Variants in SPRR1A observed in about 807,000 individuals in gnomAD.
SPRR1A encodes small proline rich protein 1A.
For synonymous variants in SPRR1A, 40 were observed against 39.2 expected (o/e 1.02, Z -0.07); for missense variants, 123 against 105.4 (o/e 1.17, Z -0.73).
chr1:152,984,341 G>A (rs1611757), upstream of SPRR1A, among the ~76,000 whole-genome samples: 673 of 152,208 alleles, frequency 4.4e-3, 18 homozygotes, highest in Admixed American at 0.041. Context: ...CATTGAACTG[G>A]GAGTCCTGGA....
upstream of SPRR1A, among the ~76,000 whole-genome samples, chr1:152,984,827 C>A (rs180821835): frequency 1.3e-5 from 2 of 152,086 alleles, no homozygotes; most frequent in Non-Finnish European, 2.9e-5. Context: ...TAAAGCCATC[C>A]TATAAGTCAC....
exon 1 of SPRR1A, chr1:152,985,265 C>T: frequency 6.2e-7 from 1 of 1,613,494 alleles, no homozygotes; most frequent in Non-Finnish European, 8.5e-7. Context: ...CCTTGCACCC[C>T]ACCCCCTCAG....
rs145057926 is a variant in SPRR1A, at chr1:152,985,300, C to A, written c.70C>A (p.Pro24Thr). 322 of 1,613,888 alleles carry A rather than the reference C, an allele frequency of 2.0e-4. No individual in the cohort carries two copies. The highest frequency in any genetic ancestry group is 2.5e-4 in the Non-Finnish European group (297 of 1,179,984). ...GCCTCAGCAGCAGCAGGTGAAACAA[C>A]CTTGCCAGCCTCCACCCCAGGAACC... The change falls in exon 1 of 1, where the codon CCT becomes ACT. Residue 24 changes from proline to threonine, a missense_variant. Pro to Thr is a conservative substitution (Grantham distance 38). Coordinates refer to ENST00000368762, the Ensembl canonical transcript of SPRR1A.
At chr1:152,984,703 T>G (rs1652253900), upstream of SPRR1A, among the ~76,000 whole-genome samples, 1 of 151,812 alleles carries the variant, frequency 6.6e-6, no homozygotes, top group South Asian at 2.1e-4. Flanking sequence ...GGGTGTCAAG[T>G]GATGTGAGCT....
upstream of SPRR1A, among the ~76,000 whole-genome samples, chr1:152,985,002 T>A (rs1433616704): frequency 6.6e-6 from 1 of 152,020 alleles, no homozygotes; most frequent in Admixed American, 6.6e-5. Flanking sequence ...AGAACTCCAA[T>A]AAAATGGAGC....
exon 1 of SPRR1A, chr1:152,985,324 C>A (rs756645081): frequency 2.5e-6 from 4 of 1,613,882 alleles, no homozygotes; most frequent in South Asian, 2.2e-5. Context: ...ACCCCAGGAA[C>A]CATGCATCCC....
exon 1 of SPRR1A, chr1:152,985,425 C>T: frequency 1.3e-6 from 2 of 1,582,046 alleles, no homozygotes; most frequent in Non-Finnish European, 1.7e-6. Context: ...CAGAGCCCTG[C>T]CAGCCCAAGG....
At chr1:152,984,556 A>G (rs183807450), upstream of SPRR1A, among the ~76,000 whole-genome samples, 31 of 152,326 alleles carry the variant, frequency 2.0e-4, no homozygotes, top group Admixed American at 2.0e-3. Flanking sequence ...CTTACTTAAC[A>G]AACATAAAAC....
At chr1:152,984,725 G>T (rs560486527), upstream of SPRR1A, among the ~76,000 whole-genome samples, 21 of 152,148 alleles carry the variant, frequency 1.4e-4, no homozygotes, top group Admixed American at 4.6e-4. Flanking sequence ...TGATGGAGGG[G>T]TATTTGGACA....
upstream of SPRR1A, chr1:152,985,113 G>A: frequency 2.2e-6 from 3 of 1,395,054 alleles, no homozygotes; most frequent in Non-Finnish European, 2.9e-6. Context: ...GAGATGAAAG[G>A]CTTTCTCTTC....
At chr1:152,984,418 G>C (rs535729950), upstream of SPRR1A, among the ~76,000 whole-genome samples, 34 of 152,174 alleles carry the variant, frequency 2.2e-4, no homozygotes, top group African/African-American at 8.2e-4. Context: ...AGCACTCTCA[G>C]TAACACTGCA....
At chr1:152,984,841 C>T (rs200997248), upstream of SPRR1A, among the ~76,000 whole-genome samples, 6 of 152,120 alleles carry the variant, frequency 3.9e-5, no homozygotes, top group East Asian at 9.7e-4. Flanking sequence ...AAGTCACAGG[C>T]TTTCTACATG....
downstream of SPRR1A, chr1:152,985,649 A>T: frequency 7.2e-7 from 1 of 1,381,498 alleles, no homozygotes; most frequent in Non-Finnish European, 9.7e-7. Context: ...CTCTAAAAAG[A>T]TGTCCCTTAC....
chr1:152,985,131 T>C (rs992093510), upstream of SPRR1A: 1 of 1,474,808 alleles, frequency 6.8e-7, no homozygotes, highest in African/African-American at 1.4e-5. Flanking sequence ...TTCTAAAGGG[T>C]CCTGAAATAA....
upstream of SPRR1A, chr1:152,985,143 ATC>A (rs1303870132): frequency 4.6e-6 from 7 of 1,511,096 alleles, no homozygotes; most frequent in African/African-American, 9.8e-5. Context: ...CTGAAATAAA[ATC>A]TGTTTGGCAT....
exon 1 of SPRR1A, chr1:152,985,248 G>C: frequency 6.2e-7 from 1 of 1,609,752 alleles, no homozygotes; most frequent in Non-Finnish European, 8.5e-7. Flanking sequence ...CTCAGCAGCA[G>C]AAGCAGCCTT....
chr1:152,985,670 G>C (rs558517616), downstream of SPRR1A, among the ~76,000 whole-genome samples: 3 of 152,242 alleles, frequency 2.0e-5, no homozygotes, highest in African/African-American at 7.2e-5. Context: ...CCTCATTCTG[G>C]AGGGCTCCTG....
chr1:152,984,097 C>A (rs888176741), upstream of SPRR1A, among the ~76,000 whole-genome samples: 9 of 152,152 alleles, frequency 5.9e-5, no homozygotes, highest in South Asian at 2.1e-4. Context: ...CCCAAGGGAC[C>A]ACACAGCCCA....
At chr1:152,984,560 A>G (rs917287783), upstream of SPRR1A, among the ~76,000 whole-genome samples, 8 of 152,182 alleles carry the variant, frequency 5.3e-5, no homozygotes, top group Non-Finnish European at 1.2e-4. Context: ...CTTAACAAAC[A>G]TAAAACCTAG....
Sources: gnomAD v4.1 joint callset for allele counts (sites outside exome capture counted in the v4.1 genomes callset) on GRCh38, gnomAD v4.1.1 for gene constraint, MANE v1.5 for transcripts, NCBI Gene and HGNC (gene_info 2026-07-23, HGNC 2026-07-21) for gene names.